NDUFAF6: variants seen among roughly 807,000 people sequenced by gnomAD.
NDUFAF6 encodes the protein NADH dehydrogenase (ubiquinone) complex I, assembly factor 6.
A neutral mutation model predicts 40.8 loss-of-function variants in NDUFAF6; 45 were observed. The observed-to-expected ratio is 1.10, with a 90% CI of 0.87 to 1.42. NDUFAF6 has a LOEUF of 1.42. Among genes scored for constraint, NDUFAF6 ranks in the 40% most tolerant of loss-of-function variants. NDUFAF6 has a pLI of 0.00. For synonymous variants in NDUFAF6, 185 were observed against 155.9 expected (o/e 1.19, Z -1.39); for missense variants, 435 against 418.5 (o/e 1.04, Z -0.34).
chr8:95,052,273 A>C (rs1205852772), intron 8 of NDUFAF6, 43 bp downstream of exon 8: 1 of 1,570,410 alleles, frequency 6.4e-7, no homozygotes, highest in Non-Finnish European at 8.8e-7. Flanking sequence ...AGTGAAGCAG[A>C]TGTGTATGAT....
chr8:95,060,010 G>A (rs1305953064), downstream of NDUFAF6, among the ~76,000 whole-genome samples: 4 of 151,754 alleles, frequency 2.6e-5, no homozygotes, highest in Admixed American at 1.3e-4. Context: ...AGGCGTCTTG[G>A]TTCCTTTCTA....
intron 3 of NDUFAF6, among the ~76,000 whole-genome samples, chr8:95,041,341 A>G (rs988952570): frequency 6.6e-6 from 1 of 152,270 alleles, no homozygotes; most frequent in African/African-American, 2.4e-5. Flanking sequence ...TAGGAAAAAA[A>G]GACAAGTTAG....
At position 94,897,366 on chromosome 8, in the gene NDUFAF6, A is replaced by G. The variant is rs150456466; in HGVS notation, c.-936+1439A>G. Among the ~76,000 whole-genome samples, 629 of 152,370 alleles carry G rather than the reference A, an allele frequency of 4.1e-3. 5 individuals carry two copies. Among genetic ancestry groups the G allele is most frequent in the African/African-American group, 0.014 (575 of 41,582 alleles). On this transcript the variant is annotated intron_variant, in intron 1 of 14. Coordinates refer to the NDUFAF6 transcript ENST00000396113. ...AAGACGTCTTTGTGTGGAAAGGAATAGAGTGAATTCTCCCATATTACAGAT... is the reference window on the plus strand; with the variant it reads ...AAGACGTCTTTGTGTGGAAAGGAATGGAGTGAATTCTCCCATATTACAGAT...
At chr8:95,057,175 T>A (rs1832280796) in intron 8 of NDUFAF6, among the ~76,000 whole-genome samples, 1 of 152,152 alleles carries the variant, frequency 6.6e-6, no homozygotes, top group African/African-American at 2.4e-5. Context: ...ACAAAAATGT[T>A]ATTAAAATGA....
At chr8:94,967,606 G>A (rs1309261565) in intron 1 of NDUFAF6, among the ~76,000 whole-genome samples, 1 of 152,000 alleles carries the variant, frequency 6.6e-6, no homozygotes, top group Admixed American at 6.6e-5. Context: ...TTAGTTGGGT[G>A]CCTCTGGCTT....
At chr8:95,097,253 T>A (rs1809495916), upstream of NDUFAF6, among the ~76,000 whole-genome samples, 1 of 152,140 alleles carries the variant, frequency 6.6e-6, no homozygotes, top group Admixed American at 6.5e-5. Context: ...ACAAATGAAA[T>A]GAGACTAAGA....
intron 3 of NDUFAF6, 45 bp downstream of exon 3, chr8:95,035,621 C>T (rs750232311): frequency 5.2e-5 from 81 of 1,568,158 alleles, no homozygotes; most frequent in South Asian, 4.2e-4. Context: ...GAATATTATT[C>T]GAGTCTACTT....
At chr8:95,007,652 A>AG (rs755560919) in intron 2 of NDUFAF6, among the ~76,000 whole-genome samples, 1 of 132,898 alleles carries the variant, frequency 7.5e-6, no homozygotes, top group Non-Finnish European at 1.6e-5. Context: ...CAACAGTGTG[A>AG]GGCTCTGTTT....
chr8:94,924,667 A>G (rs894870843), intron 1 of NDUFAF6, among the ~76,000 whole-genome samples: 2 of 152,054 alleles, frequency 1.3e-5, no homozygotes, highest in Non-Finnish European at 2.9e-5. Context: ...TTCCCTGGAC[A>G]CTCTGTAAGT....
At chr8:94,968,895 G>T (rs1290469322) in intron 1 of NDUFAF6, among the ~76,000 whole-genome samples, 1 of 152,146 alleles carries the variant, frequency 6.6e-6, no homozygotes, top group Non-Finnish European at 1.5e-5. Context: ...TTGACTTAGG[G>T]TGGGACAGAA....
chr8:94,915,620 T>A (rs1455502874), intron 1 of NDUFAF6, among the ~76,000 whole-genome samples: 1 of 152,168 alleles, frequency 6.6e-6, no homozygotes, highest in East Asian at 1.9e-4. Flanking sequence ...GGTAATTCTG[T>A]TTTTACTTCT....
At chr8:94,916,879 C>T (rs1407847017) in intron 1 of NDUFAF6, among the ~76,000 whole-genome samples, 8 of 148,088 alleles carry the variant, frequency 5.4e-5, no homozygotes, top group African/African-American at 2.0e-4. Flanking sequence ...CTTTGGGAGG[C>T]CTAGGCAGGC....
chr8:95,072,475 G>A (rs559681519), intron 9 of NDUFAF6, among the ~76,000 whole-genome samples: 3 of 152,356 alleles, frequency 2.0e-5, no homozygotes, highest in African/African-American at 7.2e-5. Context: ...ACTGAGATTT[G>A]TGGCTGCCTG....
chr8:95,011,380 A>C (rs1463841758), intron 2 of NDUFAF6, among the ~76,000 whole-genome samples: 1 of 152,232 alleles, frequency 6.6e-6, no homozygotes, highest in Non-Finnish European at 1.5e-5. Flanking sequence ...CCTAGTGGAC[A>C]GAGTCATCTT....
intron 2 of NDUFAF6, among the ~76,000 whole-genome samples, chr8:94,986,018 C>T (rs1363541080): frequency 1.3e-5 from 2 of 151,936 alleles, no homozygotes; most frequent in Admixed American, 6.6e-5. Flanking sequence ...GGACTACAGG[C>T]GTGTGCCACC....
At chr8:94,925,958 G>T (rs144167478) in intron 1 of NDUFAF6, 1 of 152,542 alleles carries the variant, frequency 6.6e-6, no homozygotes, top group African/African-American at 2.4e-5. Context: ...AAAGATAAAA[G>T]AATCTGACAA....
intron 2 of NDUFAF6, among the ~76,000 whole-genome samples, chr8:95,034,894 T>C (rs549116721): frequency 1.6e-3 from 242 of 152,244 alleles, no homozygotes; most frequent in African/African-American, 5.5e-3. Context: ...TTTTTTTTTT[T>C]TTTAGATGGA....
intron 2 of NDUFAF6, among the ~76,000 whole-genome samples, chr8:95,094,132 G>A (rs2132067783): frequency 6.6e-6 from 1 of 152,106 alleles, no homozygotes; most frequent in East Asian, 1.9e-4. Context: ...CACCACGCTT[G>A]GCTAATTTTT....
At chr8:95,114,607 C>A (rs1249234226) in intron 4 of NDUFAF6, among the ~76,000 whole-genome samples, 2 of 152,204 alleles carry the variant, frequency 1.3e-5, no homozygotes, top group South Asian at 4.1e-4. Context: ...ATTTCAGTGA[C>A]TGTACTTATG....
Sources: gnomAD v4.1 joint callset for allele counts (sites outside exome capture counted in the v4.1 genomes callset) on GRCh38, gnomAD v4.1.1 for gene constraint, MANE v1.5 for transcripts, NCBI Gene and HGNC (gene_info 2026-07-23, HGNC 2026-07-21) for gene names.